GABRB1: variants seen among roughly 807,000 people sequenced by gnomAD.
GABRB1 encodes gamma-aminobutyric acid type A receptor subunit beta1.
In GABRB1, 17 loss-of-function variants were observed where a neutral mutation model predicts 51.6. The observed-to-expected ratio is 0.33, with a 90% CI of 0.23 to 0.49. The LOEUF is 0.49. GABRB1 is among the 20% of genes least tolerant of loss of function. GABRB1 has a pLI of 0.99. For missense variants in GABRB1, 410 were observed against 600.6 expected, an observed-to-expected ratio of 0.68 and a Z score of 3.32; for synonymous variants, 247 against 218.9, an observed-to-expected ratio of 1.13 and a Z score of -1.14.
intron 3 of GABRB1, among the ~76,000 whole-genome samples, chr4:47,097,682 C>T (rs187213149): frequency 5.9e-5 from 9 of 152,220 alleles, no homozygotes; most frequent in African/African-American, 1.9e-4. Flanking sequence ...GTGCTTAATA[C>T]ATATTAAGTG....
chr4:47,154,625 T>C (rs1331644949), intron 3 of GABRB1, among the ~76,000 whole-genome samples: 1 of 152,036 alleles, frequency 6.6e-6, no homozygotes, highest in African/African-American at 2.4e-5. Flanking sequence ...TACTACAGCT[T>C]TTTCTGGTTG....
At chr4:47,333,086 A>T (rs1451361210) in intron 5 of GABRB1, among the ~76,000 whole-genome samples, 6 of 146,730 alleles carry the variant, frequency 4.1e-5, no homozygotes, top group Non-Finnish European at 9.0e-5. Flanking sequence ...CATATATATA[A>T]AATATATACA....
intron 4 of GABRB1, among the ~76,000 whole-genome samples, chr4:47,300,623 T>C (rs574249244): frequency 6.6e-6 from 1 of 152,302 alleles, no homozygotes; most frequent in Non-Finnish European, 1.5e-5. Context: ...AAGACCTTTT[T>C]AAATTTTTTA....
intron 3 of GABRB1, among the ~76,000 whole-genome samples, chr4:47,083,455 A>G (rs918006106): frequency 3.3e-5 from 5 of 152,290 alleles, no homozygotes; most frequent in Admixed American, 1.3e-4. Context: ...TTTATGAAAT[A>G]TATGTTCTTA....
intron 8 of GABRB1, among the ~76,000 whole-genome samples, chr4:47,410,546 T>C (rs1728727488): frequency 6.6e-6 from 1 of 152,134 alleles, no homozygotes; most frequent in Non-Finnish European, 1.5e-5. Context: ...AGTCAGATCA[T>C]GGAGTTTGAT....
chr4:47,057,481 C>T (rs1308258113), intron 3 of GABRB1, among the ~76,000 whole-genome samples: 1 of 152,162 alleles, frequency 6.6e-6, no homozygotes, highest in African/African-American at 2.4e-5. Context: ...CTGAATAGGA[C>T]AATTCTAGCA....
intron 8 of GABRB1, among the ~76,000 whole-genome samples, chr4:47,419,329 T>C (rs1362265249): frequency 6.6e-6 from 1 of 152,188 alleles, no homozygotes; most frequent in Non-Finnish European, 1.5e-5. Context: ...CCTTTCTTTA[T>C]ATGTGAGCCC....
intron 4 of GABRB1, among the ~76,000 whole-genome samples, chr4:47,273,713 G>T (rs757065906): frequency 6.6e-6 from 1 of 151,978 alleles, no homozygotes; most frequent in East Asian, 1.9e-4. Context: ...AGAAAAGAGA[G>T]TCACACAATT....
intron 5 of GABRB1, among the ~76,000 whole-genome samples, chr4:47,333,841 C>T (rs1725593330): frequency 6.6e-6 from 1 of 152,160 alleles, no homozygotes; most frequent in African/African-American, 2.4e-5. Context: ...ACACTGTGCC[C>T]TATAGGTACT....
chr4:47,070,893 T>G lies in GABRB1; in HGVS notation c.240+38409T>G, dbSNP rs578073486. ...CTTTCTAAATCTGAGATCTCCAGCA[T>G]GAATTCCAGACTCTTCATATAACTA... On this transcript the variant is annotated intron_variant, in intron 3 of 8. Transcript: ENST00000295454. Among the ~76,000 whole-genome samples, 8 of 152,334 alleles carry G rather than the reference T, an allele frequency of 5.3e-5. No individual in the cohort carries two copies. The East Asian group carries it at 1.5e-3, about 29-fold the overall frequency.
intron 1 of GABRB1, among the ~76,000 whole-genome samples, chr4:47,019,808 C>A (rs1395574416): frequency 1.3e-5 from 2 of 150,282 alleles, no homozygotes; most frequent in African/African-American, 2.5e-5. Flanking sequence ...CAGGCTCAAG[C>A]AATCCTCCCA....
At chr4:47,346,210 A>ATATG (rs1726082669) in intron 5 of GABRB1, among the ~76,000 whole-genome samples, 1 of 152,232 alleles carries the variant, frequency 6.6e-6, no homozygotes, top group African/African-American at 2.4e-5. Context: ...GGACCACCAC[A>ATATG]TATGACCTGA....
chr4:47,309,987 T>C (rs1287012881), intron 4 of GABRB1, among the ~76,000 whole-genome samples: 1 of 152,172 alleles, frequency 6.6e-6, no homozygotes, highest in Non-Finnish European at 1.5e-5. Flanking sequence ...ATATAATAAC[T>C]CTCTTTTCTT....
chr4:47,374,981 G>C (rs1210782252), intron 5 of GABRB1, among the ~76,000 whole-genome samples: 1 of 152,248 alleles, frequency 6.6e-6, no homozygotes, highest in African/African-American at 2.4e-5. Context: ...ATTGGGGAAA[G>C]AAAAATTTAA....
At chr4:47,322,133 G>A (rs1378417731) in intron 5 of GABRB1, among the ~76,000 whole-genome samples, 1 of 152,176 alleles carries the variant, frequency 6.6e-6, no homozygotes, top group Non-Finnish European at 1.5e-5. Flanking sequence ...GGGAAGGGAT[G>A]AGGGAAGCCC....
chr4:47,032,298 TGGG>T, intron 2 of GABRB1, 116 bp from the exon 3 acceptor site: 1 of 944,374 alleles, frequency 1.1e-6, no homozygotes, highest in Non-Finnish European at 1.6e-6. Context: ...AAAGGGGTGG[TGGG>T]GGGAGCAGGG....
Position 47,410,983 on chromosome 4 carries a change from A to G in GABRB1, c.1080+4057A>G, listed in dbSNP as rs555866671. 4.3e-4 allele frequency among the ~76,000 whole-genome samples: 66 copies of G among 152,348 alleles called. 2 individuals are homozygous for G. The South Asian group carries it at 0.013, about 31-fold the overall frequency. The stretch of plus-strand genomic sequence containing the variant: ...TATGTTAGTCATATAACTGCCTACC[A>G]AACCAAACTCAACATTCTTTGGGGA... On this transcript the variant is annotated intron_variant, in intron 8 of 8. Transcript: ENST00000295454.
chr4:47,376,633 C>T (rs1212223249), intron 5 of GABRB1, among the ~76,000 whole-genome samples: 2 of 152,034 alleles, frequency 1.3e-5, no homozygotes, highest in African/African-American at 4.8e-5. Flanking sequence ...GGCGACTGAG[C>T]GAGACTCCGT....
intron 8 of GABRB1, among the ~76,000 whole-genome samples, chr4:47,410,776 A>G (rs1309829767): frequency 6.6e-6 from 1 of 152,246 alleles, no homozygotes; most frequent in Non-Finnish European, 1.5e-5. Context: ...GTTTGAATCC[A>G]GCCTGTTGGG....
Sources: allele counts gnomAD v4.1 joint callset (sites outside exome capture counted in the v4.1 genomes callset), GRCh38; gene constraint gnomAD v4.1.1; transcripts MANE v1.5; gene names NCBI Gene and HGNC (gene_info 2026-07-23, HGNC 2026-07-21).